SYNM: variants seen among roughly 807,000 people sequenced by gnomAD.
SYNM encodes the protein desmuslin.
A neutral mutation model predicts 104.0 loss-of-function variants in SYNM; 95 were observed. That is an observed-to-expected ratio of 0.91 (90% CI 0.77 to 1.08). The LOEUF (loss-of-function observed/expected upper bound fraction) is 1.08, where lower values mean the gene tolerates loss of function less well. Ranked by LOEUF, SYNM falls within the 50% of genes least tolerant of loss-of-function variation. The probability of loss-of-function intolerance (pLI) is 0.00; values close to 1 mark genes in which losing one functional copy is unlikely to be tolerated. For missense variants in SYNM, 2,150 were observed against 2,052.2 expected, an observed-to-expected ratio of 1.05 and a Z score of -0.92; for synonymous variants, 918 against 869.0, an observed-to-expected ratio of 1.06 and a Z score of -0.99.
At chr15:99,139,922 C>G, downstream of SYNM, 1 of 376,342 alleles carries the variant, frequency 2.7e-6, no homozygotes, top group Non-Finnish European at 4.8e-6. Flanking sequence ...CTTCTGCTTA[C>G]TTTAAGTCTT....
rs782199339 is a variant in SYNM at position 99,130,460 on chromosome 15, T to A, written c.2100T>A (p.Asp700Glu). The A allele has an allele frequency of 2.5e-6, 4 of 1,613,748 alleles. No individual in the cohort carries two copies. The South Asian group carries it at 3.3e-5, about 13-fold the overall frequency. ...SKLTEDVDVS[D>E]EAGLDYLLSK... is the part of the protein sequence containing the mutation. ...TGACTGAGGATGTTGATGTTTCCGA[T>A]GAAGCTGGCCTGGACTACCTTTTAA... Residue 700 changes from aspartate to glutamate, a missense_variant, in exon 4 of 4, where the codon GAT (aspartate) becomes GAA (glutamate). Coordinates refer to ENST00000336292, the MANE Select transcript of SYNM (RefSeq NM_145728.3).
intron 2 of SYNM, among the ~76,000 whole-genome samples, chr15:99,117,078 C>G (rs1204291588): frequency 7.3e-6 from 1 of 137,822 alleles, no homozygotes; most frequent in African/African-American, 2.5e-5. Flanking sequence ...GCGATCCCCC[C>G]CATAACCCAA....
chr15:99,121,548 ATAAT>A (rs1555484514), intron 2 of SYNM, among the ~76,000 whole-genome samples: 1 of 152,180 alleles, frequency 6.6e-6, no homozygotes, highest in East Asian at 1.9e-4. Flanking sequence ...TAATCGGATG[ATAAT>A]TGATGATGAG....
chr15:99,108,274 AT>A (rs34993660), intron 1 of SYNM, among the ~76,000 whole-genome samples: 15 of 149,206 alleles, frequency 1.0e-4, no homozygotes, highest in Middle Eastern at 3.5e-3. Context: ...GTGCCCGGCC[AT>A]TTTTTTTTTC....
chr15:99,125,523 G>A lies in SYNM; in HGVS notation c.936-1199G>A, dbSNP rs140455867. On this transcript the variant is annotated intron_variant, in intron 2 of 3. Coordinates refer to ENST00000336292, the MANE Select transcript of SYNM (RefSeq NM_145728.3). Reference sequence around the variant, plus strand: ...GCAGGCCCGCTGTGTGCGCCTTCGCGAGAGTGCCTCATGCCTCCTTTGCTT... The same window carrying A: ...GCAGGCCCGCTGTGTGCGCCTTCGCAAGAGTGCCTCATGCCTCCTTTGCTT... Among the ~76,000 whole-genome samples, 470 of 152,356 alleles carry A rather than the reference G, an allele frequency of 3.1e-3. 2 individuals are homozygous for A. The highest frequency in any genetic ancestry group is 9.9e-3 in the African/African-American group (413 of 41,580).
chr15:99,108,045 G>A (rs551024219), intron 1 of SYNM, among the ~76,000 whole-genome samples: 2 of 151,628 alleles, frequency 1.3e-5, no homozygotes, highest in Non-Finnish European at 2.9e-5. Flanking sequence ...GCTGATCTCG[G>A]CACACCGCAA....
intron 1 of SYNM, among the ~76,000 whole-genome samples, chr15:99,111,630 AG>A (rs1246166544): frequency 6.6e-6 from 1 of 152,244 alleles, no homozygotes; most frequent in Non-Finnish European, 1.5e-5. Flanking sequence ...TTAAAAGCTA[AG>A]GGGTTTTAAA....
In SYNM at chr15:99,134,723, G is replaced by A. The variant is rs948474374; in HGVS notation, c.*1665G>A. ...ACCGCAGGTAGTTTCTGGAGAGCAC[G>A]TTTTCTTCATTGATAAGTGGAGGAG... On this transcript the variant is annotated 3_prime_UTR_variant, in exon 4 of 4. Transcript: ENST00000336292. The A allele has an allele frequency of 6.6e-6, 1 of 152,188 alleles. No individual in the cohort carries two copies. Among genetic ancestry groups the A allele is most frequent in the Admixed American group, 6.5e-5 (1 of 15,278 alleles). 9.4% of individuals were successfully genotyped at this position (152,188 alleles called of 1,614,324 possible).
intron 2 of SYNM, among the ~76,000 whole-genome samples, chr15:99,122,074 G>C (rs1555484575): frequency 6.6e-6 from 1 of 152,232 alleles, no homozygotes; most frequent in African/African-American, 2.4e-5. Flanking sequence ...GCAATGCAGA[G>C]ATTTATTTAC....
chr15:99,106,637 T>C lies in SYNM; in HGVS notation c.810+628T>C, dbSNP rs140225191. The stretch of plus-strand genomic sequence containing the variant: ...ACGCTGACGTCAGATCTCTGCGTAG[T>C]GTAAAAGTTGTGGGAAAGTGGGGCC... On this transcript the variant is annotated intron_variant, in intron 1 of 3. Coordinates refer to ENST00000336292, the MANE Select transcript of SYNM (RefSeq NM_145728.3). Among the ~76,000 whole-genome samples the C allele has an allele frequency of 2.6e-5, 4 of 152,332 alleles. No homozygotes were observed. The South Asian group carries it at 6.2e-4, about 24-fold the overall frequency.
Position 99,105,335 on chromosome 15 carries a change from C to G in SYNM, c.136C>G (p.Arg46Gly). 6.5e-7 allele frequency: 1 copy of G among 1,540,126 alleles called. No individual in the cohort carries two copies. Among genetic ancestry groups the G allele is most frequent in the Non-Finnish European group, 8.7e-7 (1 of 1,145,566 alleles). The change falls in exon 1 of 4, where the codon CGG becomes GGG. Residue 46 changes from arginine (R) to glycine (G), a missense_variant. Physicochemically the swap from Arg to Gly is moderately radical, Grantham distance 125. Coordinates refer to ENST00000336292, the MANE Select transcript of SYNM (RefSeq NM_145728.3). ...ACTCCTGGAGGAGGAGCTGCGCGGC[C>G]GGCGCGGGCGAGAGGGCCTGTGGGC... ...NLLLEEELRGRRGREGLWAEG... is the reference protein window; with the variant it reads ...NLLLEEELRGGRGREGLWAEG...
chr15:99,113,797 A>G lies in SYNM; in HGVS notation c.935+82A>G. ...TGAAGGAAACTGGTCTAGGGACCGT[A>G]GCCTTTGTGGAGTCACTGTGGCTTT... On this transcript the variant is annotated intron_variant, in intron 2 of 3. Transcript: ENST00000336292. 6 of 1,549,590 alleles carry G rather than the reference A, an allele frequency of 3.9e-6. No homozygotes were observed. In the South Asian group the frequency reaches 7.4e-5, roughly 19 times the overall value.
intron 2 of SYNM, among the ~76,000 whole-genome samples, chr15:99,125,874 G>T (rs2067442792): frequency 6.6e-6 from 1 of 152,216 alleles, no homozygotes; most frequent in Admixed American, 6.5e-5. Context: ...AGGCATCCCG[G>T]TGCTAAGCCC....
intron 1 of SYNM, 45 bp downstream of exon 1, chr15:99,106,054 C>T: frequency 7.3e-7 from 1 of 1,377,432 alleles, no homozygotes; most frequent in Non-Finnish European, 9.3e-7. Flanking sequence ...CCGCTGCCGT[C>T]GCCCCAGCAC....
chr15:99,112,045 T>G (rs994733693), intron 1 of SYNM, among the ~76,000 whole-genome samples: 45 of 152,314 alleles, frequency 3.0e-4, no homozygotes, highest in African/African-American at 1.1e-3. Flanking sequence ...CGAGACTGTC[T>G]CCAAAAACAA....
At chr15:99,114,279 A>C (rs1385833750) in intron 2 of SYNM, among the ~76,000 whole-genome samples, 3 of 151,300 alleles carry the variant, frequency 2.0e-5, no homozygotes, top group South Asian at 4.2e-4. Context: ...GGAGAGAGAG[A>C]GAGCTCAGGG....
Position 99,131,188 on chromosome 15 carries a change from A to G in SYNM, c.2828A>G (p.Lys943Arg). ...ACCTCCATGAAGGGCATCTCCTCCA[A>G]GGAGCCCCGGCAGCAGCTGGTGGAG... ...FHTSMKGISS[K>R]EPRQQLVEVI... is the part of the protein sequence containing the mutation. Residue 943 changes from lysine (K) to arginine (R), a missense_variant, in exon 4 of 4, where the codon AAG becomes AGG. By Grantham distance (26) the Lys-to-Arg change is conservative. Transcript: ENST00000336292. This position sits in a 1 kb window ranked among gnomAD's most constrained non-coding sequence, Gnocchi z 4.3. 1.2e-6 allele frequency: 2 copies of G among 1,608,080 alleles called. No individual in the cohort carries two copies. Among genetic ancestry groups the G allele is most frequent in the Non-Finnish European group, 1.7e-6 (2 of 1,177,222 alleles).
Position 99,130,926 on chromosome 15 carries a change from G to A in SYNM, c.2566G>A (p.Glu856Lys), listed in dbSNP as rs782755580. The A allele has an allele frequency of 3.5e-5, 57 of 1,613,738 alleles. No homozygotes were observed. In the Admixed American group the frequency reaches 8.2e-4, roughly 23 times the overall value. ...DGSVYGQIHI[E>K]EESTIRYSWQ... ...CTCGGTGTACGGGCAGATCCACATC[G>A]AGGAGGAATCCACCATCAGGTACTC... The change falls in exon 4 of 4, where the codon GAG becomes AAG. Residue 856 changes from glutamate (E) to lysine (K), a missense_variant. Coordinates refer to ENST00000336292, the MANE Select transcript of SYNM (RefSeq NM_145728.3).
intron 1 of SYNM, among the ~76,000 whole-genome samples, chr15:99,108,619 C>T (rs970633812): frequency 6.6e-6 from 1 of 152,154 alleles, no homozygotes; most frequent in Non-Finnish European, 1.5e-5. Context: ...CCACAGATGC[C>T]CTTCACAAAT....
Sources: gnomAD v4.1 joint callset for allele counts (sites outside exome capture counted in the v4.1 genomes callset) on GRCh38, gnomAD v4.1.1 for gene constraint, Gnocchi (gnomAD v3.1) non-coding constraint, MANE v1.5 for transcripts, NCBI Gene and HGNC (gene_info 2026-07-23, HGNC 2026-07-21) for gene names.